Variants in ZNF318 observed in about 807,000 individuals in gnomAD.
ZNF318 encodes endocrine regulator.
In ZNF318, 51 loss-of-function variants were observed where a neutral mutation model predicts 124.2. The ratio of observed to expected loss-of-function variants is 0.41; its 90% CI spans 0.33 to 0.52. The LOEUF (loss-of-function observed/expected upper bound fraction) is 0.52, where lower values mean the gene tolerates loss of function less well. ZNF318 is among the 20% of genes least tolerant of loss of function. The pLI is 0.23. For synonymous variants in ZNF318, 1,090 were observed against 1,040.7 expected (o/e 1.05, Z -0.91); for missense variants, 2,815 against 2,811.2 (o/e 1.00, Z -0.03).
At chr6:43,363,077 A>C (rs1219607749) in intron 2 of ZNF318, among the ~76,000 whole-genome samples, 4 of 152,218 alleles carry the variant, frequency 2.6e-5, no homozygotes, top group Non-Finnish European at 5.9e-5. Context: ...TCTACAAAGA[A>C]GACTGCTGCC....
rs1428081669 is a variant in ZNF318, at chr6:43,338,490, T to C, written c.5508A>G (p.Glu1836=). The change falls in exon 10 of 10, where the codon GAA becomes GAG. Residue 1836 remains glutamate, a synonymous_variant. Coordinates refer to ENST00000361428, the MANE Select transcript of ZNF318 (RefSeq NM_014345.3). Reference sequence around the variant, plus strand: ...TTCCTGTCATCAATTTATTGGACTGTTCAGCCTCTTTGTCAATCATTAGCA... The same window carrying C: ...TTCCTGTCATCAATTTATTGGACTGCTCAGCCTCTTTGTCAATCATTAGCA... ...PNLLMIDKEA[E]QSNKLMTGSE... The C allele has an allele frequency of 3.1e-6, 5 of 1,614,114 alleles. No homozygotes were observed. The highest frequency in any genetic ancestry group is 2.5e-6 in the Non-Finnish European group (3 of 1,180,042).
At position 43,337,839 on chromosome 6, in the gene ZNF318, C is replaced by T; in HGVS notation, c.6159G>A (p.Gly2053=). 1 of 1,614,196 alleles carries T rather than the reference C, an allele frequency of 6.2e-7. No homozygotes were observed. The highest frequency in any genetic ancestry group is 8.5e-7 in the Non-Finnish European group (1 of 1,180,034). Residue 2053 remains glycine (G), a synonymous_variant, in exon 10 of 10, where the codon GGG becomes GGA. Transcript: ENST00000361428. ...VCEENSVSPI[G]CNSSDPADFE... is the part of the protein sequence containing the mutation. Reference sequence around the variant, plus strand: ...AGTCAGCGGGATCGGAGGAATTACACCCTATAGGTGATACAGAATTTTCTT... The same window carrying T: ...AGTCAGCGGGATCGGAGGAATTACATCCTATAGGTGATACAGAATTTTCTT...
At chr6:43,342,957 A>C in intron 6 of ZNF318, 78 bp from the exon 7 acceptor site, 2 of 1,227,076 alleles carry the variant, frequency 1.6e-6, no homozygotes, top group Non-Finnish European at 2.3e-6. Flanking sequence ...GTAAGTGGCC[A>C]TAATAATAGA....
rs760134728 is a variant in ZNF318, at chr6:43,339,405, C to T, written c.4593G>A (p.Leu1531=). ...GTGGAGGACGTACTAACACAGAGAA[C>T]AGGGTCTGGTCTCGGTCACTCTCAC... ...GVSESDRDQT[L]FSVLVRPPPP... is the part of the protein sequence containing the mutation. The change falls in exon 10 of 10, where the codon CTG becomes CTA. Residue 1531 remains leucine (L), a synonymous_variant. Transcript: ENST00000361428. This position sits in a 1 kb window ranked among gnomAD's most constrained non-coding sequence, Gnocchi z 4.2. 2 of 1,613,040 alleles carry T rather than the reference C, an allele frequency of 1.2e-6. No individual in the cohort carries two copies. Among genetic ancestry groups the T allele is most frequent in the African/African-American group, 2.7e-5 (2 of 74,560 alleles).
At chr6:43,356,901 ATATC>A (rs1779615245) in intron 3 of ZNF318, among the ~76,000 whole-genome samples, 1 of 152,114 alleles carries the variant, frequency 6.6e-6, no homozygotes, top group Non-Finnish European at 1.5e-5. Context: ...ACTCTCCAAA[ATATC>A]TATTTATTAA....
chr6:43,342,013 C>T, intron 8 of ZNF318, 99 bp downstream of exon 8: 2 of 1,010,960 alleles, frequency 2.0e-6, no homozygotes, highest in Non-Finnish European at 1.6e-6. Context: ...AAAGGAATGG[C>T]TGTCTCATGC....
intron 7 of ZNF318, 56 bp from the exon 8 acceptor site, chr6:43,342,267 CT>C: frequency 7.1e-7 from 1 of 1,409,444 alleles, no homozygotes; most frequent in Non-Finnish European, 9.7e-7. Flanking sequence ...CAATGACCCA[CT>C]TTTCTCTTTT....
At chr6:43,351,854 A>T (rs144692071) in intron 5 of ZNF318, among the ~76,000 whole-genome samples, 6 of 152,220 alleles carry the variant, frequency 3.9e-5, no homozygotes, top group Admixed American at 2.6e-4. Context: ...AAATGTTAAT[A>T]ATCTGGCAGG....
chr6:43,355,265 T>C lies in ZNF318; in HGVS notation c.2069A>G (p.Glu690Gly). The change falls in exon 4 of 10, where the codon GAG becomes GGG. Residue 690 changes from glutamate to glycine, a missense_variant. Glu to Gly is a moderately conservative substitution (Grantham distance 98). This residue lies in a region of ZNF318 where 1,377 missense variants were observed against 1,353.5 expected (regional missense o/e 1.02). Coordinates refer to ENST00000361428, the MANE Select transcript of ZNF318 (RefSeq NM_014345.3). ...AGAAGGTGGGTGTGGATGGGACACC[T>C]CTGGAGAGTGGGTATTGCTATGATG... ...EAHHSNTHSPEVSHPHPPSPV... is the reference protein window; with the variant it reads ...EAHHSNTHSPGVSHPHPPSPV... 1 of 1,614,168 alleles carries C rather than the reference T, an allele frequency of 6.2e-7. No homozygotes were observed. Among genetic ancestry groups the C allele is most frequent in the South Asian group, 1.1e-5 (1 of 91,082 alleles).
chr6:43,355,914 G>C lies in ZNF318; in HGVS notation c.1420C>G (p.Leu474Val). 6.2e-7 allele frequency: 1 copy of C among 1,614,218 alleles called. No homozygotes were observed. Among genetic ancestry groups the C allele is most frequent in the Non-Finnish European group, 8.5e-7 (1 of 1,180,034 alleles). The change falls in exon 4 of 10, where the codon CTA (leucine) becomes GTA (valine). Residue 474 changes from leucine (L) to valine (V), a missense_variant. This residue lies in a region of ZNF318 where 1,377 missense variants were observed against 1,353.5 expected (regional missense o/e 1.02). Transcript: ENST00000361428. ...SPLREKFGSF[L>V]CHKDNLDLKA... ...AAATCCAAATTATCCTTGTGGCATA[G>C]AAAACTTCCAAATTTTTCTCTGAGA...
At chr6:43,368,288 T>C (rs1440080798) in intron 1 of ZNF318, among the ~76,000 whole-genome samples, 1 of 152,174 alleles carries the variant, frequency 6.6e-6, no homozygotes. Context: ...CTTGAACCTC[T>C]CTGGGTTGGT....
chr6:43,350,725 A>G (rs1254318805), intron 5 of ZNF318, among the ~76,000 whole-genome samples: 1 of 151,954 alleles, frequency 6.6e-6, no homozygotes, highest in Non-Finnish European at 1.5e-5. Context: ...CAGGAGGATC[A>G]CCTGAGCCAG....
chr6:43,340,561 T>C, intron 9 of ZNF318, 59 bp from the exon 10 acceptor site: 1 of 1,515,108 alleles, frequency 6.6e-7, no homozygotes, highest in East Asian at 2.3e-5. Context: ...AAAAAAATCT[T>C]GGCCCCGCTA....
intron 2 of ZNF318, among the ~76,000 whole-genome samples, chr6:43,363,065 A>G (rs1221316167): frequency 5.3e-5 from 8 of 152,216 alleles, no homozygotes; most frequent in Non-Finnish European, 1.0e-4. Context: ...GAAACACATG[A>G]TTCTACAAAG....
chr6:43,354,742 C>G lies in ZNF318; in HGVS notation c.2592G>C (p.Gln864His). ...ATCTTATGAGTGATGGAATGGACAC[C>G]TGGACAGGCACTTGGGCCGCAGGAA... is the stretch of plus-strand genomic sequence containing the variant. Reference protein sequence around the residue: ...GSIPAAQVPVQVSIPSLIRYN... With the variant: ...GSIPAAQVPVHVSIPSLIRYN... Residue 864 changes from glutamine to histidine, a missense_variant, in exon 4 of 10, where the codon CAG (glutamine) becomes CAC (histidine). Gln to His is a conservative substitution (Grantham distance 24, BLOSUM62 0). Coordinates refer to ENST00000361428, the MANE Select transcript of ZNF318 (RefSeq NM_014345.3). 1 of 1,614,102 alleles carries G rather than the reference C, an allele frequency of 6.2e-7. No individual in the cohort carries two copies. The highest frequency in any genetic ancestry group is 8.5e-7 in the Non-Finnish European group (1 of 1,180,018).
rs188438053 is a variant in ZNF318, at chr6:43,369,115, C to T, written c.251G>A (p.Arg84Gln). Reference protein sequence around the residue: ...RGRRVSPSPPRARRGSPSPPR... With the variant: ...RGRRVSPSPPQARRGSPSPPR... ...TGGCGACGGGGAGCCGCGACGGGCC[C>T]GAGGCGGGGACGGGGAGACGCGACG... The change falls in exon 1 of 10, where the codon CGG becomes CAG. Residue 84 changes from arginine to glutamine, a missense_variant. Physicochemically the swap from Arg to Gln is conservative, Grantham distance 43 (BLOSUM62 1). Coordinates refer to ENST00000361428, the MANE Select transcript of ZNF318 (RefSeq NM_014345.3). The T allele has an allele frequency of 7.2e-6, 9 of 1,243,758 alleles. No individual in the cohort carries two copies. Among genetic ancestry groups the T allele is most frequent in the African/African-American group, 3.1e-5 (2 of 64,198 alleles). The allele number at this position is 1,243,758 out of a possible 1,614,324, so 77.0% of individuals were successfully genotyped here. A position where few individuals can be genotyped will look rare whatever the true frequency, so the allele number is the denominator to read the frequency against.
chr6:43,342,952 T>C (rs1424558047), intron 6 of ZNF318, 73 bp from the exon 7 acceptor site: 2 of 1,282,708 alleles, frequency 1.6e-6, no homozygotes, highest in African/African-American at 3.0e-5. Context: ...AAATAGTAAG[T>C]GGCCATAATA....
At chr6:43,349,246 T>C (rs2150752214) in intron 5 of ZNF318, among the ~76,000 whole-genome samples, 1 of 152,304 alleles carries the variant, frequency 6.6e-6, no homozygotes, top group South Asian at 2.1e-4. Flanking sequence ...CATTAATAAG[T>C]GTTGTAACTA....
At position 43,357,566 on chromosome 6, in the gene ZNF318, T is replaced by C. The variant is rs774289754; in HGVS notation, c.748A>G (p.Thr250Ala). Residue 250 changes from threonine to alanine, a missense_variant, in exon 3 of 10, where the codon ACA becomes GCA. Thr to Ala is a moderately conservative substitution (Grantham distance 58). Transcript: ENST00000361428. ...ISCHDELLRG[T>A]ERNREKLKGY... Reference sequence around the variant, plus strand: ...TTGAGTTTTTCTCGATTCCGTTCTGTTCCCCGCAACAGCTCATCATGACAA... The same window carrying C: ...TTGAGTTTTTCTCGATTCCGTTCTGCTCCCCGCAACAGCTCATCATGACAA... 28 of 1,614,128 alleles carry C rather than the reference T, an allele frequency of 1.7e-5. No individual in the cohort carries two copies. The South Asian group carries it at 2.9e-4, about 16-fold the overall frequency.
Sources: gnomAD v4.1 joint callset for allele counts (sites outside exome capture counted in the v4.1 genomes callset) on GRCh38, gnomAD v4.1.1 for gene constraint, gnomAD v4.1.1 regional missense constraint, Gnocchi (gnomAD v3.1) non-coding constraint, MANE v1.5 for transcripts, NCBI Gene and HGNC (gene_info 2026-07-23, HGNC 2026-07-21) for gene names.